The following VAV3 variants were observed in gnomAD, a reference collection of about 807,000 sequenced individuals.
VAV3 encodes the protein guanine nucleotide exchange factor VAV3.
Under a neutral mutation model 131.2 loss-of-function variants are expected in VAV3, and 94 were observed. That is an observed-to-expected ratio of 0.72 (90% CI 0.61 to 0.85). The LOEUF is 0.85. Ranked by LOEUF, VAV3 falls within the 40% of genes least tolerant of loss-of-function variation. The probability of loss-of-function intolerance (pLI) is 0.00; values close to 1 mark genes in which losing one functional copy is unlikely to be tolerated. For synonymous variants in VAV3, 349 were observed against 342.0 expected (o/e 1.02, Z -0.22); for missense variants, 939 against 1,002.7 (o/e 0.94, Z 0.86).
rs141495660 is a variant in VAV3 at position 107,621,291 on chromosome 1, G to A, written c.1915-3659C>T. 7.8e-4 allele frequency among the ~76,000 whole-genome samples: 119 copies of A among 152,124 alleles called. No homozygotes were observed. The East Asian group carries it at 0.018, about 23-fold the overall frequency. ...GAGAGATAATTTAACCTATTTTAAC[G>A]TATGAATAAAGTTACAATTACTTAC... On this transcript the variant is annotated intron_variant, in intron 20 of 26. Transcript: ENST00000370056.
At chr1:107,578,965 T>C (rs1369598399) in intron 25 of VAV3, 2 of 944,820 alleles carry the variant, frequency 2.1e-6, no homozygotes, top group Non-Finnish European at 2.5e-6. Flanking sequence ...GTAGGTAAAT[T>C]AGATAAGATA....
chr1:107,804,991 C>A (rs1437466313), intron 2 of VAV3, among the ~76,000 whole-genome samples: 1 of 151,994 alleles, frequency 6.6e-6, no homozygotes, highest in East Asian at 1.9e-4. Context: ...CCCCTGGCAG[C>A]ACTTTGAAAA....
At chr1:107,756,858 G>A (rs529831547) in intron 11 of VAV3, among the ~76,000 whole-genome samples, 1 of 152,010 alleles carries the variant, frequency 6.6e-6, no homozygotes, top group South Asian at 2.1e-4. Flanking sequence ...GCTGGCCTAC[G>A]ACTTACACAA....
chr1:107,885,626 T>TC (rs1202884055), intron 1 of VAV3, among the ~76,000 whole-genome samples: 1 of 152,076 alleles, frequency 6.6e-6, no homozygotes, highest in Non-Finnish European at 1.5e-5. Context: ...CTAAGTCTCT[T>TC]CCTCCTCATT....
intron 20 of VAV3, among the ~76,000 whole-genome samples, chr1:107,633,979 T>C (rs1048279158): frequency 6.6e-6 from 1 of 152,012 alleles, no homozygotes; most frequent in African/African-American, 2.4e-5. Context: ...TGAGAAATAA[T>C]AAACTGTTAT....
intron 1 of VAV3, among the ~76,000 whole-genome samples, chr1:107,952,468 T>TTATATACATATA (rs1674591166): frequency 8.4e-6 from 1 of 119,028 alleles, no homozygotes; most frequent in Non-Finnish European, 1.7e-5. Context: ...TAACAAAACT[T>TTATATACATATA]TATATATATA....
chr1:107,625,649 G>C (rs913597911), intron 20 of VAV3, among the ~76,000 whole-genome samples: 1 of 152,032 alleles, frequency 6.6e-6, no homozygotes, highest in Non-Finnish European at 1.5e-5. Context: ...AGTGTGAAGC[G>C]GTCTATTTTC....
chr1:107,780,757 C>G (rs1009311404), intron 2 of VAV3, among the ~76,000 whole-genome samples: 5 of 152,090 alleles, frequency 3.3e-5, no homozygotes, highest in Admixed American at 6.5e-5. Context: ...CTCAAGTGAC[C>G]CACCTGCCTT....
At chr1:107,621,702 T>C (rs1428047054) in intron 20 of VAV3, among the ~76,000 whole-genome samples, 3 of 152,180 alleles carry the variant, frequency 2.0e-5, no homozygotes, top group African/African-American at 7.2e-5. Context: ...ATCCCTTTTA[T>C]GAGTATTACA....
At chr1:107,697,094 C>A (rs530960426) in intron 17 of VAV3, among the ~76,000 whole-genome samples, 13 of 152,152 alleles carry the variant, frequency 8.5e-5, no homozygotes, top group Non-Finnish European at 1.8e-4. Context: ...CACACTCTAC[C>A]CACAGTTACC....
chr1:107,751,188 C>T lies in VAV3; in HGVS notation c.1188G>A (p.Leu396=), dbSNP rs1570894128. ...CATCTCCCTGAGGTCGTCCAAAAAG[C>T]AAAACTGGTTGGTTCTAAAATATAA... ...LSIENLNQPV[L]LFGRPQGDGE... is the part of the protein sequence containing the mutation. Residue 396 remains leucine, a synonymous_variant, in exon 13 of 27, where the codon TTG becomes TTA. Coordinates refer to ENST00000370056, the MANE Select transcript of VAV3 (RefSeq NM_006113.5). 1 of 1,612,324 alleles carries T rather than the reference C, an allele frequency of 6.2e-7. No homozygotes were observed. The highest frequency in any genetic ancestry group is 8.5e-7 in the Non-Finnish European group (1 of 1,179,400).
intron 1 of VAV3, among the ~76,000 whole-genome samples, chr1:107,952,399 T>C (rs112747850): frequency 0.094 from 13,715 of 145,862 alleles, 1,281 homozygotes; most frequent in African/African-American, 0.24. Flanking sequence ...ATCTGCACAA[T>C]AAACCCCCAT....
At chr1:107,897,956 T>C (rs910281560) in intron 1 of VAV3, among the ~76,000 whole-genome samples, 3 of 152,162 alleles carry the variant, frequency 2.0e-5, no homozygotes, top group Admixed American at 6.6e-5. Flanking sequence ...TTAAAAGATT[T>C]TTTATGAAAA....
chr1:107,673,142 A>G (rs1657942357), intron 19 of VAV3, among the ~76,000 whole-genome samples: 1 of 152,206 alleles, frequency 6.6e-6, no homozygotes, highest in Non-Finnish European at 1.5e-5. Flanking sequence ...TTCAACAATA[A>G]ATTATACTAA....
chr1:107,713,633 A>G (rs1411289211), intron 15 of VAV3, among the ~76,000 whole-genome samples: 1 of 152,166 alleles, frequency 6.6e-6, no homozygotes, highest in Non-Finnish European at 1.5e-5. Context: ...GGCCCCAAAA[A>G]AGGAAAAGAT....
chr1:107,766,147 A>T (rs1664718030), intron 8 of VAV3, among the ~76,000 whole-genome samples: 1 of 152,186 alleles, frequency 6.6e-6, no homozygotes, highest in Non-Finnish European at 1.5e-5. Flanking sequence ...CTTACTGAAG[A>T]TTACATCGCT....
chr1:107,839,361 A>G (rs1012864414), intron 2 of VAV3, among the ~76,000 whole-genome samples: 3 of 152,182 alleles, frequency 2.0e-5, no homozygotes, highest in Non-Finnish European at 4.4e-5. Context: ...ACTAAACTAG[A>G]AATCAACAAC....
At chr1:107,595,135 T>C (rs1378071204) in intron 25 of VAV3, among the ~76,000 whole-genome samples, 2 of 152,120 alleles carry the variant, frequency 1.3e-5, no homozygotes, top group South Asian at 2.1e-4. Context: ...TAAAATCTAA[T>C]AGGTGTTTAA....
intron 1 of VAV3, among the ~76,000 whole-genome samples, chr1:107,893,454 TG>T (rs749156453): frequency 3.3e-5 from 5 of 152,172 alleles, no homozygotes; most frequent in Non-Finnish European, 5.9e-5. Context: ...TACCTGAGAC[TG>T]GGTAATTTAT....
Sources: allele counts gnomAD v4.1 joint callset (sites outside exome capture counted in the v4.1 genomes callset), GRCh38; gene constraint gnomAD v4.1.1; transcripts MANE v1.5; gene names NCBI Gene and HGNC (gene_info 2026-07-23, HGNC 2026-07-21).